Variants in WNT7B observed in about 807,000 individuals in gnomAD.
WNT7B encodes the protein protein Wnt-7b.
WNT7B carries 19 observed loss-of-function variants against 38.2 expected under a neutral mutation model. The observed-to-expected ratio is 0.50, with a 90% CI of 0.35 to 0.73. The LOEUF is 0.73. Among genes scored for constraint, WNT7B ranks in the 30% least tolerant of loss-of-function variants. The pLI is 0.01. For missense variants in WNT7B, 423 were observed against 507.9 expected, an observed-to-expected ratio of 0.83 and a Z score of 1.61; for synonymous variants, 243 against 209.3, an observed-to-expected ratio of 1.16 and a Z score of -1.39.
chr22:45,962,957 C>T (rs1046716513), intron 1 of WNT7B, among the ~76,000 whole-genome samples: 7 of 152,248 alleles, frequency 4.6e-5, no homozygotes, highest in Middle Eastern at 3.2e-3. Context: ...GCTGGGCCAG[C>T]GCCTCGGCCT....
Position 45,966,703 on chromosome 22 carries a change from C to T in WNT7B, c.71+9981G>A, listed in dbSNP as rs547371007. 9.2e-5 allele frequency among the ~76,000 whole-genome samples: 14 copies of T among 152,316 alleles called. No individual in the cohort carries two copies. Among genetic ancestry groups the T allele is most frequent in the African/African-American group, 3.4e-4 (14 of 41,582 alleles). On this transcript the variant is annotated intron_variant, in intron 1 of 3. Transcript: ENST00000339464. This position sits in a 1 kb window ranked among gnomAD's most constrained non-coding sequence, Gnocchi z 4.2. ...CTTCTGCACACAGCCTCAGACCCAGCCTCGTGGCAGCTCCAGCACCTCAGC... is the reference window on the plus strand; with the variant it reads ...CTTCTGCACACAGCCTCAGACCCAGTCTCGTGGCAGCTCCAGCACCTCAGC...
intron 2 of WNT7B, among the ~76,000 whole-genome samples, chr22:45,942,697 G>T (rs997269653): frequency 2.0e-5 from 3 of 152,238 alleles, no homozygotes; most frequent in African/African-American, 7.2e-5. Flanking sequence ...ACCTCATGGG[G>T]TCCTACGTGG....
chr22:45,941,581 G>A (rs79717280), intron 2 of WNT7B, among the ~76,000 whole-genome samples: 9 of 152,140 alleles, frequency 5.9e-5, no homozygotes, highest in Non-Finnish European at 8.8e-5. Context: ...GGCAGCTGGT[G>A]GGGGGCTGTT....
intron 3 of WNT7B, chr22:45,927,576 T>A (rs552997953): frequency 2.6e-6 from 3 of 1,133,248 alleles, no homozygotes; most frequent in Admixed American, 4.0e-5. Context: ...AAGTAGGCCC[T>A]AAATCCAATG....
chr22:45,953,223 T>TCCGTG (rs1394027292), intron 1 of WNT7B, among the ~76,000 whole-genome samples: 94 of 51,182 alleles, frequency 1.8e-3, no homozygotes, highest in Non-Finnish European at 2.6e-3. Context: ...AGTCACCGTG[T>TCCGTG]CCTCGGCTTC....
At position 45,977,097 on chromosome 22, in the gene WNT7B, G is replaced by T; in HGVS notation, c.-343C>A. The T allele has an allele frequency of 1.2e-6, 1 of 858,882 alleles. No homozygotes were observed. Among genetic ancestry groups the T allele is most frequent in the Non-Finnish European group, 1.4e-6 (1 of 714,506 alleles). The allele number at this position is 858,882 out of a possible 1,614,324, so 53.2% of individuals were successfully genotyped here. On this transcript the variant is annotated 5_prime_UTR_variant, in exon 1 of 4. Coordinates refer to ENST00000339464, the MANE Select transcript of WNT7B (RefSeq NM_058238.3). ...GCACTAGGCGCAGCCGCCTGAGGCC[G>T]TGAGCGCCTCGCCGAGCGCCGCGGC...
chr22:45,929,596 G>A (rs910676705), intron 3 of WNT7B, among the ~76,000 whole-genome samples: 3 of 112,766 alleles, frequency 2.7e-5, no homozygotes, highest in South Asian at 2.8e-4. Context: ...ATCCATTCAT[G>A]CATCCATCCA....
Position 45,951,190 on chromosome 22 carries a change from G to T in WNT7B, c.72-1044C>A, listed in dbSNP as rs1931924928. 1.3e-5 allele frequency among the ~76,000 whole-genome samples: 2 copies of T among 152,148 alleles called. No homozygotes were observed. The highest frequency in any genetic ancestry group is 2.9e-5 in the Non-Finnish European group (2 of 68,028). ...CATTCCGGGTTCAAGCCATCCTTTT[G>T]CCTTAGCCTCCCGAGTAGCTGTACT... On this transcript the variant is annotated intron_variant, in intron 1 of 3. Coordinates refer to ENST00000339464, the MANE Select transcript of WNT7B (RefSeq NM_058238.3). This position sits in a 1 kb window ranked among gnomAD's most constrained non-coding sequence, Gnocchi z 4.8.
At chr22:45,925,932 G>C (rs1931068618) in intron 3 of WNT7B, 4 of 985,260 alleles carry the variant, frequency 4.1e-6, no homozygotes, top group Non-Finnish European at 4.8e-6. Flanking sequence ...TGTGGCCCAG[G>C]ATGGCTGCCC....
At chr22:45,936,075 CA>C in intron 2 of WNT7B, 1 of 985,362 alleles carries the variant, frequency 1.0e-6, no homozygotes, top group Non-Finnish European at 1.2e-6. Flanking sequence ...ATATTCTGGC[CA>C]CCCCTCACCC....
At chr22:45,945,129 G>A (rs894842251) in intron 2 of WNT7B, among the ~76,000 whole-genome samples, 6 of 152,096 alleles carry the variant, frequency 3.9e-5, no homozygotes. Context: ...TGTTGCCCAG[G>A]CTGGACTGCA....
At chr22:45,955,813 C>T (rs1932045662) in intron 1 of WNT7B, among the ~76,000 whole-genome samples, 2 of 152,166 alleles carry the variant, frequency 1.3e-5, no homozygotes, top group South Asian at 4.1e-4. Context: ...AAGAAGCCTC[C>T]TCCTCATTCC....
intron 3 of WNT7B, among the ~76,000 whole-genome samples, chr22:45,928,689 C>T (rs963780299): frequency 1.3e-5 from 2 of 152,046 alleles, no homozygotes; most frequent in Non-Finnish European, 2.9e-5. Context: ...ACCTCCAAGT[C>T]CCACACCAAG....
At chr22:45,967,100 C>T (rs1232170264) in intron 1 of WNT7B, among the ~76,000 whole-genome samples, 3 of 152,202 alleles carry the variant, frequency 2.0e-5, no homozygotes, top group East Asian at 1.9e-4. Flanking sequence ...GGGGAGGGAG[C>T]GCACCTGTAC....
rs537353470 is a variant in WNT7B, at chr22:45,928,015, A to G, written c.570+3083T>C. ...ACTGGGAGCTGAGGAATGCTGCGAG[A>G]GCCAGGAAGTCTCCTCCCCTGCTGC... On this transcript the variant is annotated intron_variant, in intron 3 of 3. Coordinates refer to ENST00000339464, the MANE Select transcript of WNT7B (RefSeq NM_058238.3). 2.0e-5 allele frequency among the ~76,000 whole-genome samples: 3 copies of G among 152,288 alleles called. No individual in the cohort carries two copies. The East Asian group carries it at 5.8e-4, about 29-fold the overall frequency.
At chr22:45,969,209 C>G (rs540560288) in intron 1 of WNT7B, among the ~76,000 whole-genome samples, 2 of 152,244 alleles carry the variant, frequency 1.3e-5, no homozygotes, top group Non-Finnish European at 2.9e-5. Context: ...AGTGCCCCCC[C>G]ACCCTGCCAC....
At chr22:45,927,687 G>C in intron 3 of WNT7B, 1 of 702,422 alleles carries the variant, frequency 1.4e-6, no homozygotes, top group South Asian at 1.5e-5. Flanking sequence ...CCTGAGGTTA[G>C]GGGTTCAAGA....
chr22:45,945,369 A>G (rs1931769652), intron 2 of WNT7B, among the ~76,000 whole-genome samples: 1 of 152,238 alleles, frequency 6.6e-6, no homozygotes, highest in Non-Finnish European at 1.5e-5. Flanking sequence ...GTGAGCCACC[A>G]TGCCTGGCTG....
chr22:45,929,798 A>AAACATCT (rs1931258948), intron 3 of WNT7B, among the ~76,000 whole-genome samples: 2 of 148,844 alleles, frequency 1.3e-5, no homozygotes, highest in African/African-American at 5.0e-5. Context: ...CGATCCACTC[A>AAACATCT]ACCATCTACC....
Sources: allele counts gnomAD v4.1 joint callset (sites outside exome capture counted in the v4.1 genomes callset), GRCh38; gene constraint gnomAD v4.1.1; non-coding constraint Gnocchi (gnomAD v3.1); transcripts MANE v1.5; gene names NCBI Gene and HGNC (gene_info 2026-07-23, HGNC 2026-07-21).